Variants in GDPD4 observed in about 807,000 individuals in gnomAD.
GDPD4 encodes the protein glycerophosphodiester phosphodiesterase domain containing 4.
In GDPD4, 60 loss-of-function variants were observed where a neutral mutation model predicts 67.8. The ratio of observed to expected loss-of-function variants is 0.88; its 90% confidence interval spans 0.72 to 1.10. The LOEUF (loss-of-function observed/expected upper bound fraction) is 1.10. Among genes scored for constraint, GDPD4 ranks in the 50% least tolerant of loss-of-function variants. The probability of loss-of-function intolerance (pLI) is 0.00; values close to 1 mark genes in which losing one functional copy is unlikely to be tolerated. For synonymous variants in GDPD4, 212 were observed against 210.9 expected (o/e 1.00, Z -0.04); for missense variants, 623 against 613.9 (o/e 1.01, Z -0.16).
rs1958129998 is a variant in GDPD4 at position 77,216,853 on chromosome 11, G to A, written c.*424C>T. 3.1e-6 allele frequency: 2 copies of A among 642,856 alleles called. No individual in the cohort carries two copies. Among genetic ancestry groups the A allele is most frequent in the Non-Finnish European group, 5.6e-6 (2 of 358,450 alleles). 39.8% of individuals were successfully genotyped at this position (642,856 alleles called of 1,614,324 possible). On this transcript the variant is annotated 3_prime_UTR_variant, in exon 17 of 17. Coordinates refer to ENST00000315938, the MANE Select transcript of GDPD4 (RefSeq NM_182833.3). ...CTAATTCTTCTTTGGAAACACAGAAGGCTATGTCAGATGCAATGGAATATA... is the reference window on the plus strand; with the variant it reads ...CTAATTCTTCTTTGGAAACACAGAAAGCTATGTCAGATGCAATGGAATATA...
chr11:77,298,949 T>C (rs1938071115), intron 1 of GDPD4, among the ~76,000 whole-genome samples: 2 of 152,014 alleles, frequency 1.3e-5, no homozygotes, highest in Admixed American at 1.3e-4. Flanking sequence ...GGCATGACTC[T>C]AGGGTTAAAT....
chr11:77,281,348 A>G (rs1183498479), intron 3 of GDPD4, among the ~76,000 whole-genome samples: 6 of 152,156 alleles, frequency 3.9e-5, no homozygotes, highest in Admixed American at 3.9e-4. Context: ...TGAGAAAAAA[A>G]GATACCATCG....
At chr11:77,246,707 G>T (rs1456115287) in intron 11 of GDPD4, among the ~76,000 whole-genome samples, 1 of 152,136 alleles carries the variant, frequency 6.6e-6, no homozygotes, top group African/African-American at 2.4e-5. Context: ...CTGGTACATA[G>T]ATAGAAAAGT....
intron 4 of GDPD4, 91 bp downstream of exon 4, chr11:77,279,215 C>T (rs1040127093): frequency 5.3e-6 from 4 of 758,418 alleles, no homozygotes; most frequent in Non-Finnish European, 6.9e-6. Context: ...TTCTGAGAGT[C>T]CCCAGTACCA....
intron 11 of GDPD4, among the ~76,000 whole-genome samples, chr11:77,253,632 C>T (rs1297056832): frequency 6.6e-6 from 1 of 152,120 alleles, no homozygotes; most frequent in African/African-American, 2.4e-5. Context: ...ATGGAACGTG[C>T]AGTTGCTCAG....
intron 10 of GDPD4, among the ~76,000 whole-genome samples, chr11:77,260,416 G>T (rs941424694): frequency 6.6e-6 from 1 of 152,082 alleles, no homozygotes; most frequent in Non-Finnish European, 1.5e-5. Context: ...CAAAAGAAAA[G>T]ACCAAACTAG....
At chr11:77,267,319 A>G (rs1028832151) in intron 10 of GDPD4, among the ~76,000 whole-genome samples, 2 of 152,214 alleles carry the variant, frequency 1.3e-5, no homozygotes, top group South Asian at 4.1e-4. Flanking sequence ...ATTGCCTAAC[A>G]ACGCATTTCT....
At chr11:77,226,630 T>C (rs933561598) in intron 16 of GDPD4, among the ~76,000 whole-genome samples, 6 of 152,230 alleles carry the variant, frequency 3.9e-5, no homozygotes, top group Non-Finnish European at 8.8e-5. Context: ...TATTTTGTTA[T>C]GGCAGCCCTA....
Position 77,285,109 on chromosome 11 carries a change from G to T in GDPD4, c.29C>A (p.Ser10Tyr). 1 of 1,612,526 alleles carries T rather than the reference G, an allele frequency of 6.2e-7. No individual in the cohort carries two copies. Among genetic ancestry groups the T allele is most frequent in the Non-Finnish European group, 8.5e-7 (1 of 1,178,698 alleles). The change falls in exon 3 of 17, where the codon TCC (serine) becomes TAC (tyrosine). Residue 10 changes from serine to tyrosine, a missense_variant. By Grantham distance (144) the Ser-to-Tyr change is moderately radical. Transcript: ENST00000315938. ...CCAGTCAAAGTTAAAGTATTCACTG[G>T]ATGTTTCTATCCACAGGAACAGCAA... MLLFLWIET[S>Y]SEYFNFDWVT...
chr11:77,236,729 AAC>A (rs34508625), intron 13 of GDPD4, among the ~76,000 whole-genome samples: 2 of 145,360 alleles, frequency 1.4e-5, no homozygotes, highest in African/African-American at 5.1e-5. Context: ...ACAAGAAGGA[AAC>A]ACACACACAC....
At chr11:77,232,434 G>GTGA (rs762012122) in intron 14 of GDPD4, among the ~76,000 whole-genome samples, 16 of 152,362 alleles carry the variant, frequency 1.1e-4, no homozygotes, top group Non-Finnish European at 1.6e-4. Context: ...TCCACAGATA[G>GTGA]TGATAGGATT....
At chr11:77,281,597 G>A (rs565824153) in intron 3 of GDPD4, among the ~76,000 whole-genome samples, 3 of 152,336 alleles carry the variant, frequency 2.0e-5, no homozygotes, top group South Asian at 2.1e-4. Context: ...CAGTGATAGT[G>A]TAGCATTTGG....
intron 11 of GDPD4, among the ~76,000 whole-genome samples, chr11:77,255,384 T>C (rs1452883958): frequency 6.6e-6 from 1 of 151,998 alleles, no homozygotes; most frequent in Admixed American, 6.6e-5. Context: ...CTGGTCAACA[T>C]GGTGAAACCC....
intron 16 of GDPD4, among the ~76,000 whole-genome samples, chr11:77,221,750 G>A (rs1418256900): frequency 2.0e-5 from 3 of 150,240 alleles, no homozygotes; most frequent in Non-Finnish European, 4.4e-5. Flanking sequence ...TATTAGGTCC[G>A]CTGGGTGCAG....
intron 10 of GDPD4, among the ~76,000 whole-genome samples, chr11:77,259,755 G>A (rs1168016625): frequency 6.6e-6 from 1 of 152,120 alleles, no homozygotes; most frequent in Non-Finnish European, 1.5e-5. Context: ...TCCCATAAAG[G>A]ATAGAGTTAT....
chr11:77,294,630 A>G (rs893635598), intron 1 of GDPD4, among the ~76,000 whole-genome samples: 1 of 152,188 alleles, frequency 6.6e-6, no homozygotes, highest in Admixed American at 6.5e-5. Flanking sequence ...CTTTTTTTGT[A>G]GAAATCAATA....
intron 16 of GDPD4, among the ~76,000 whole-genome samples, chr11:77,221,978 A>ACAAAT (rs937288443): frequency 2.0e-5 from 3 of 152,142 alleles, no homozygotes; most frequent in Non-Finnish European, 1.5e-5. Context: ...CTTTACCATT[A>ACAAAT]TGTAATGGCC....
chr11:77,219,705 T>C (rs1264599598), intron 16 of GDPD4, among the ~76,000 whole-genome samples: 3 of 151,868 alleles, frequency 2.0e-5, no homozygotes, highest in Non-Finnish European at 2.9e-5. Flanking sequence ...TGGTGTTATA[T>C]TCTGAGGGCT....
At chr11:77,288,274 G>A (rs1960073472) in intron 1 of GDPD4, among the ~76,000 whole-genome samples, 1 of 152,226 alleles carries the variant, frequency 6.6e-6, no homozygotes, top group African/African-American at 2.4e-5. Flanking sequence ...CAGGGCTCCA[G>A]GTCCCACCCA....
Sources: allele counts gnomAD v4.1 joint callset (sites outside exome capture counted in the v4.1 genomes callset), GRCh38; gene constraint gnomAD v4.1.1; transcripts MANE v1.5; gene names NCBI Gene and HGNC (gene_info 2026-07-23, HGNC 2026-07-21).